AFF3: variants seen among roughly 807,000 people sequenced by gnomAD.
AFF3 encodes AF4/FMR2 family member 3.
AFF3 carries 32 observed loss-of-function variants against 129.7 expected under a neutral mutation model. That is an observed-to-expected ratio of 0.25 (90% confidence interval 0.19 to 0.33). The LOEUF (loss-of-function observed/expected upper bound fraction) is 0.33, where lower values mean the gene tolerates loss of function less well. Among genes scored for constraint, AFF3 ranks in the 10% least tolerant of loss-of-function variants. AFF3 has a pLI of 1.00. For missense variants in AFF3, 1,373 were observed against 1,592.0 expected (o/e 0.86, Z 2.34); for synonymous variants, 644 against 635.4 (o/e 1.01, Z -0.20).
intron 7 of AFF3, among the ~76,000 whole-genome samples, chr2:99,846,430 G>A (rs768849532): frequency 6.6e-6 from 1 of 152,184 alleles, no homozygotes; most frequent in Admixed American, 6.5e-5. Flanking sequence ...GCGCCTGGCC[G>A]AACATTTTCC....
At chr2:99,820,464 C>G (rs148891042) in intron 8 of AFF3, among the ~76,000 whole-genome samples, 1 of 151,960 alleles carries the variant, frequency 6.6e-6, no homozygotes, top group Admixed American at 6.6e-5. Context: ...CTGGGTGAGT[C>G]AGTGAGTGAG....
intron 8 of AFF3, among the ~76,000 whole-genome samples, chr2:99,767,000 T>C (rs1050254397): frequency 1.2e-4 from 18 of 152,238 alleles, no homozygotes; most frequent in African/African-American, 4.3e-4. Context: ...TGATGTTCAC[T>C]GACAACACAG....
intron 12 of AFF3, 105 bp from the exon 13 acceptor site, chr2:99,649,771 C>CATTA: frequency 7.9e-7 from 1 of 1,268,450 alleles, no homozygotes; most frequent in African/African-American, 1.5e-5. Flanking sequence ...CACATTTTTG[C>CATTA]CATGTGGCCA....
At chr2:100,002,601 A>T (rs139920186) in intron 7 of AFF3, among the ~76,000 whole-genome samples, 1 of 152,278 alleles carries the variant, frequency 6.6e-6, no homozygotes, top group East Asian at 1.9e-4. Context: ...ACCACAGTCT[A>T]TTGATTGATA....
Position 99,562,568 on chromosome 2 carries a change from T to C in AFF3, c.3120-2132A>G, listed in dbSNP as rs11893705. Among the ~76,000 whole-genome samples, 641 of 152,370 alleles carry C rather than the reference T, an allele frequency of 4.2e-3. 5 individuals carry two copies. The highest frequency in any genetic ancestry group is 0.014 in the African/African-American group (592 of 41,586). On this transcript the variant is annotated intron_variant, in intron 20 of 24. Coordinates refer to ENST00000672756, the MANE Select transcript of AFF3 (RefSeq NM_001386135.1). ...GTTTGTTGAGTGATAACTGTGATTA[T>C]TGAAGCATTTTTACGATGGCTGCTT...
intron 8 of AFF3, among the ~76,000 whole-genome samples, chr2:99,833,311 A>T (rs1296692568): frequency 6.6e-6 from 1 of 152,186 alleles, no homozygotes; most frequent in East Asian, 1.9e-4. Context: ...AGTTTGTTCC[A>T]CTATAATGTC....
Position 99,571,380 on chromosome 2 carries a change from T to C in AFF3, c.2919-2465A>G, listed in dbSNP as rs552663810. On this transcript the variant is annotated intron_variant, in intron 18 of 24. Transcript: ENST00000672756. ...GGATTATCTTGGTAATAAGCTATGG[T>C]ATCTTAGTTTCCACCAGCCTTCTAA... 1.8e-4 allele frequency among the ~76,000 whole-genome samples: 28 copies of C among 152,322 alleles called. No homozygotes were observed. The South Asian group carries it at 3.3e-3, about 18-fold the overall frequency.
chr2:100,002,884 T>C (rs902717737), intron 7 of AFF3, among the ~76,000 whole-genome samples: 1 of 152,210 alleles, frequency 6.6e-6, no homozygotes, highest in African/African-American at 2.4e-5. Context: ...CTCTGCATGT[T>C]AGGTTTTTCA....
intron 2 of AFF3, among the ~76,000 whole-genome samples, chr2:100,111,367 C>A (rs1691505767): frequency 6.6e-6 from 1 of 152,240 alleles, no homozygotes; most frequent in Non-Finnish European, 1.5e-5. Context: ...TACTTCCTTA[C>A]ATGTAATCTT....
At chr2:99,642,659 G>T (rs913278790) in intron 13 of AFF3, among the ~76,000 whole-genome samples, 2 of 152,150 alleles carry the variant, frequency 1.3e-5, no homozygotes. Context: ...ATATTGTTAC[G>T]ATGCAAAACG....
intron 11 of AFF3, among the ~76,000 whole-genome samples, chr2:99,680,131 G>C (rs1241718900): frequency 6.6e-6 from 1 of 152,228 alleles, no homozygotes; most frequent in Non-Finnish European, 1.5e-5. Flanking sequence ...CTAGGCCACA[G>C]TTATGAAGTA....
chr2:100,074,473 A>G lies in AFF3; in HGVS notation c.53+29929T>C, dbSNP rs1377522656. Among the ~76,000 whole-genome samples, 8 of 152,312 alleles carry G rather than the reference A, an allele frequency of 5.3e-5. No homozygotes were observed. The South Asian group carries it at 1.7e-3, about 32-fold the overall frequency. The stretch of plus-strand genomic sequence containing the variant: ...CATGATAATATGCTTGCACTTACGT[A>G]TATTTATACTGTGCTGAACACTACG... On this transcript the variant is annotated intron_variant, in intron 4 of 24. Transcript: ENST00000672756.
intron 3 of AFF3, 132 bp downstream of exon 3, chr2:100,105,372 A>C: frequency 7.9e-7 from 1 of 1,261,110 alleles, no homozygotes; most frequent in Non-Finnish European, 1.0e-6. Flanking sequence ...TCAGCGAAAT[A>C]AAGCGGCGGC....
intron 1 of AFF3, among the ~76,000 whole-genome samples, chr2:100,132,521 G>C (rs1692464612): frequency 6.6e-6 from 1 of 152,148 alleles, no homozygotes. Flanking sequence ...AAAAGAAAAA[G>C]ACTAGAGAAA....
intron 4 of AFF3, among the ~76,000 whole-genome samples, chr2:100,072,105 C>T (rs1688234229): frequency 6.6e-6 from 1 of 152,154 alleles, no homozygotes; most frequent in Non-Finnish European, 1.5e-5. Flanking sequence ...AGCCCATGCC[C>T]AGACTGTCCT....
At chr2:99,556,242 G>A (rs1401895846) in intron 22 of AFF3, among the ~76,000 whole-genome samples, 1 of 152,132 alleles carries the variant, frequency 6.6e-6, no homozygotes, top group Admixed American at 6.5e-5. Flanking sequence ...TCAGGAGTCT[G>A]AGACCAGCCT....
At chr2:100,038,434 T>C (rs1238603821) in intron 4 of AFF3, among the ~76,000 whole-genome samples, 1 of 152,090 alleles carries the variant, frequency 6.6e-6, no homozygotes, top group Non-Finnish European at 1.5e-5. Flanking sequence ...AAAAGTGTTT[T>C]ACAGAAAGAC....
intron 7 of AFF3, among the ~76,000 whole-genome samples, chr2:99,956,942 A>G (rs531961812): frequency 5.9e-5 from 9 of 152,266 alleles, no homozygotes; most frequent in Non-Finnish European, 1.3e-4. Context: ...ACAAAATAAT[A>G]TAAGCACCTA....
chr2:99,881,642 C>G (rs778403152), intron 7 of AFF3, among the ~76,000 whole-genome samples: 1 of 152,000 alleles, frequency 6.6e-6, no homozygotes, highest in Non-Finnish European at 1.5e-5. Context: ...ATGTTTGATC[C>G]GGAAAATCTG....
Sources: allele counts gnomAD v4.1 joint callset (sites outside exome capture counted in the v4.1 genomes callset), GRCh38; gene constraint gnomAD v4.1.1; transcripts MANE v1.5; gene names NCBI Gene and HGNC (gene_info 2026-07-23, HGNC 2026-07-21).